AP1G1: variants seen among roughly 807,000 people sequenced by gnomAD.
The protein encoded by AP1G1 is AP-1 complex subunit gamma-1.
AP1G1 carries 7 observed loss-of-function variants against 108.3 expected under a neutral mutation model. The ratio of observed to expected loss-of-function variants is 0.06; its 90% CI spans 0.04 to 0.12. The LOEUF is 0.12. Among genes scored for constraint, AP1G1 ranks in the 10% least tolerant of loss-of-function variants. The probability of loss-of-function intolerance (pLI) is 1.00; values close to 1 mark genes in which losing one functional copy is unlikely to be tolerated. For missense variants in AP1G1, 756 were observed against 1,010.7 expected, an observed-to-expected ratio of 0.75 and a Z score of 3.42; for synonymous variants, 379 against 353.5, an observed-to-expected ratio of 1.07 and a Z score of -0.81.
At chr16:71,755,985 G>A in intron 12 of AP1G1, 34 bp downstream of exon 12, 1 of 1,596,734 alleles carries the variant, frequency 6.3e-7, no homozygotes, top group Non-Finnish European at 8.5e-7. Flanking sequence ...GTTCCAAGCA[G>A]ACTTTACCAA....
chr16:71,762,978 G>A (rs1222939606), intron 9 of AP1G1, among the ~76,000 whole-genome samples: 1 of 152,224 alleles, frequency 6.6e-6, no homozygotes, highest in African/African-American at 2.4e-5. Context: ...TCTCCAGGGA[G>A]ACAGTGTCAG....
intron 2 of AP1G1, among the ~76,000 whole-genome samples, chr16:71,779,304 C>G (rs940662321): frequency 9.4e-5 from 14 of 148,768 alleles, no homozygotes; most frequent in Admixed American, 3.4e-4. Context: ...TAGACACTGA[C>G]AATTTAATTT....
chr16:71,807,778 G>A (rs557354726), intron 1 of AP1G1: 5 of 1,283,810 alleles, frequency 3.9e-6, no homozygotes, highest in Non-Finnish European at 5.1e-6. Context: ...CTGTAAAGCA[G>A]CCCAACTCTC....
At chr16:71,780,140 C>T (rs539648447) in intron 2 of AP1G1, among the ~76,000 whole-genome samples, 8 of 151,610 alleles carry the variant, frequency 5.3e-5, no homozygotes, top group African/African-American at 1.9e-4. Context: ...ACTACAGGCA[C>T]GCACCACTAT....
At chr16:71,807,238 C>T (rs927313978) in intron 1 of AP1G1, among the ~76,000 whole-genome samples, 7 of 152,166 alleles carry the variant, frequency 4.6e-5, no homozygotes, top group African/African-American at 1.7e-4. Flanking sequence ...TCTGCCTGGG[C>T]AACATGATGA....
chr16:71,768,936 A>AAG (rs1555554361), intron 6 of AP1G1, among the ~76,000 whole-genome samples: 19 of 121,380 alleles, frequency 1.6e-4, no homozygotes, highest in African/African-American at 5.6e-4. Flanking sequence ...AAAAAAAAAA[A>AAG]AAAAGAAAAG....
chr16:71,806,684 A>C, intron 1 of AP1G1: 10 of 1,286,524 alleles, frequency 7.8e-6, no homozygotes, highest in Non-Finnish European at 1.0e-5. Flanking sequence ...GGGCATACTT[A>C]CTAAATGAGT....
At chr16:71,769,296 A>C (rs1408042489) in intron 6 of AP1G1, among the ~76,000 whole-genome samples, 2 of 151,952 alleles carry the variant, frequency 1.3e-5, no homozygotes, top group Non-Finnish European at 1.5e-5. Flanking sequence ...AAAAAAAAAC[A>C]ACACACACAA....
chr16:71,736,530 G>A (rs562018256), intron 21 of AP1G1, among the ~76,000 whole-genome samples: 67 of 148,482 alleles, frequency 4.5e-4, no homozygotes, highest in African/African-American at 1.4e-3. Flanking sequence ...ACAGGCGCCC[G>A]CCACCACGCC....
In AP1G1 at chr16:71,796,744, T is replaced by C. The variant is rs140495671; in HGVS notation, c.-3-7262A>G. Reference sequence around the variant, plus strand: ...GGACTTAAGTTCAATTCTCCCTAAATTGTCACAGTAATTACAGGAATCTTA... The same window carrying C: ...GGACTTAAGTTCAATTCTCCCTAAACTGTCACAGTAATTACAGGAATCTTA... On this transcript the variant is annotated intron_variant, in intron 1 of 22. Coordinates refer to ENST00000299980, the MANE Select transcript of AP1G1 (RefSeq NM_001128.6). Among the ~76,000 whole-genome samples the C allele has an allele frequency of 1.8e-4, 28 of 152,280 alleles. No individual in the cohort carries two copies. The East Asian group carries it at 5.0e-3, about 27-fold the overall frequency.
At chr16:71,806,348 C>T (rs1309868273) in intron 1 of AP1G1, among the ~76,000 whole-genome samples, 1 of 152,158 alleles carries the variant, frequency 6.6e-6, no homozygotes, top group Non-Finnish European at 1.5e-5. Flanking sequence ...TTTGTTAAGG[C>T]AAAAGGACCC....
Position 71,745,621 on chromosome 16 carries a change from G to A in AP1G1, c.1731-7C>T. ...TCTCTCAAGTAGGGCAGACCTAGAA[G>A]AATCTGAAGTGGTTAAATTCTAGGC... On this transcript the variant is annotated splice_region_variant and splice_polypyrimidine_tract_variant and intron_variant, in intron 17 of 22. Transcript: ENST00000299980. The A allele has an allele frequency of 6.2e-7, 1 of 1,612,956 alleles. No homozygotes were observed.
intron 1 of AP1G1, 70 bp from the exon 2 acceptor site, chr16:71,789,552 C>A: frequency 6.8e-7 from 1 of 1,465,948 alleles, no homozygotes; most frequent in Non-Finnish European, 9.4e-7. Context: ...CACAACTTCC[C>A]ATTTAAATTT....
intron 1 of AP1G1, among the ~76,000 whole-genome samples, chr16:71,800,026 G>C (rs1712972293): frequency 1.3e-5 from 2 of 151,462 alleles, no homozygotes; most frequent in African/African-American, 2.4e-5. Context: ...TTCGAGATCA[G>C]CCTGAGCAAC....
intron 9 of AP1G1, 141 bp from the exon 10 acceptor site, chr16:71,761,708 G>A (rs1050620884): frequency 1.5e-5 from 9 of 614,796 alleles, no homozygotes; most frequent in Non-Finnish European, 2.2e-5. Flanking sequence ...GGTGGCTCAC[G>A]CCTGTAATCC....
At chr16:71,785,502 G>C (rs750368970) in intron 2 of AP1G1, among the ~76,000 whole-genome samples, 1 of 150,254 alleles carries the variant, frequency 6.7e-6, no homozygotes. Context: ...TTGAACCTGG[G>C]TAGTGAAGGC....
chr16:71,774,265 C>T, intron 3 of AP1G1: 1 of 522,212 alleles, frequency 1.9e-6, no homozygotes, highest in East Asian at 3.9e-5. Flanking sequence ...ATAATCCCAG[C>T]TACGCAGGAG....
At chr16:71,733,263 C>A in intron 22 of AP1G1, 104 bp from the exon 23 acceptor site, 2 of 863,066 alleles carry the variant, frequency 2.3e-6, no homozygotes, top group Non-Finnish European at 1.8e-6. Flanking sequence ...AAACTTAAAG[C>A]AAAGCTGTCT....
chr16:71,765,066 C>A (rs528604730), intron 7 of AP1G1, among the ~76,000 whole-genome samples: 1 of 152,310 alleles, frequency 6.6e-6, no homozygotes, highest in South Asian at 2.1e-4. Context: ...TGAAGTGGGG[C>A]ACAGTGGCTC....
Sources: allele counts gnomAD v4.1 joint callset (sites outside exome capture counted in the v4.1 genomes callset), GRCh38; gene constraint gnomAD v4.1.1; transcripts MANE v1.5; gene names NCBI Gene and HGNC (gene_info 2026-07-23, HGNC 2026-07-21).